The following FYN variants were observed in gnomAD, a reference collection of about 807,000 sequenced individuals.
The protein encoded by FYN is FYN proto-oncogene, Src family tyrosine kinase.
A neutral mutation model predicts 70.2 loss-of-function variants in FYN; 10 were observed. The ratio of observed to expected loss-of-function variants is 0.14; its 90% CI spans 0.09 to 0.24. The LOEUF is 0.24. Among genes scored for constraint, FYN ranks in the 10% least tolerant of loss-of-function variants. FYN has a pLI of 1.00. For missense variants in FYN, 319 were observed against 673.1 expected (o/e 0.47, Z 5.82); for synonymous variants, 236 against 248.6 (o/e 0.95, Z 0.48).
intron 3 of FYN, among the ~76,000 whole-genome samples, chr6:111,746,522 A>C (rs1802228216): frequency 6.6e-6 from 1 of 152,222 alleles, no homozygotes; most frequent in South Asian, 2.1e-4. Flanking sequence ...GTGGCATAGT[A>C]GTTTTTATTG....
At chr6:111,846,937 C>CA (rs1275404450) in intron 1 of FYN, among the ~76,000 whole-genome samples, 1 of 152,122 alleles carries the variant, frequency 6.6e-6, no homozygotes, top group Non-Finnish European at 1.5e-5. Context: ...CACACAAACA[C>CA]AAACACAAAC....
chr6:111,791,396 A>C (rs1016359975), intron 2 of FYN, among the ~76,000 whole-genome samples: 4 of 152,206 alleles, frequency 2.6e-5, no homozygotes, highest in African/African-American at 4.8e-5. Flanking sequence ...CGTGTCCCCC[A>C]AAAAGATATG....
At position 111,760,562 on chromosome 6, in the gene FYN, C is replaced by T. The variant is rs929572793; in HGVS notation, c.-12+20004G>A. ...GCTGTGAGGTCACATGAAATAATAA[C>T]GGAACTCCTTCTCAGGAGAAAGGCA... On this transcript the variant is annotated intron_variant, in intron 3 of 13. Coordinates refer to ENST00000354650, the MANE Select transcript of FYN (RefSeq NM_002037.5). 3.9e-5 allele frequency among the ~76,000 whole-genome samples: 6 copies of T among 152,270 alleles called. No individual in the cohort carries two copies. In the East Asian group the frequency reaches 9.7e-4, roughly 25 times the overall value.
At chr6:111,689,555 A>C (rs1430121309) in intron 12 of FYN, among the ~76,000 whole-genome samples, 2 of 152,240 alleles carry the variant, frequency 1.3e-5, no homozygotes, top group Non-Finnish European at 2.9e-5. Flanking sequence ...CAGGAACAGT[A>C]GAATGGAGGC....
At chr6:111,708,192 T>G in intron 5 of FYN, 172 bp from the exon 6 acceptor site, 2 of 569,328 alleles carry the variant, frequency 3.5e-6, no homozygotes, top group Non-Finnish European at 6.3e-6. Context: ...GTCAGAAGGT[T>G]CCAGTTCGAG....
At chr6:111,817,989 C>T (rs1772543191) in intron 2 of FYN, among the ~76,000 whole-genome samples, 1 of 152,174 alleles carries the variant, frequency 6.6e-6, no homozygotes, top group African/African-American at 2.4e-5. Context: ...TGCACATGTG[C>T]CCTGAAGAAT....
chr6:111,732,676 C>G (rs564319576), intron 3 of FYN, among the ~76,000 whole-genome samples: 1 of 152,320 alleles, frequency 6.6e-6, no homozygotes, highest in South Asian at 2.1e-4. Flanking sequence ...TAGTCAACTC[C>G]TTGTGACTGG....
At chr6:111,830,354 C>A (rs891262321) in intron 2 of FYN, among the ~76,000 whole-genome samples, 1 of 152,108 alleles carries the variant, frequency 6.6e-6, no homozygotes, top group Non-Finnish European at 1.5e-5. Flanking sequence ...GAGCCAGCTC[C>A]CACAGTGAAT....
At chr6:111,766,489 T>C (rs1263818563) in intron 3 of FYN, among the ~76,000 whole-genome samples, 2 of 152,216 alleles carry the variant, frequency 1.3e-5, no homozygotes, top group South Asian at 2.1e-4. Context: ...CAAAGCCATA[T>C]GTAAACCAGC....
intron 2 of FYN, among the ~76,000 whole-genome samples, chr6:111,794,796 A>T (rs1268315576): frequency 6.6e-6 from 1 of 152,204 alleles, no homozygotes; most frequent in African/African-American, 2.4e-5. Context: ...GCCCGCAAAG[A>T]TGAAAATATT....
At chr6:111,738,195 A>T (rs1801790554) in intron 3 of FYN, among the ~76,000 whole-genome samples, 1 of 152,220 alleles carries the variant, frequency 6.6e-6, no homozygotes, top group African/African-American at 2.4e-5. Flanking sequence ...TTACTAGTGA[A>T]GATGAAGATG....
chr6:111,745,158 C>T (rs1208429038), intron 3 of FYN, among the ~76,000 whole-genome samples: 1 of 152,122 alleles, frequency 6.6e-6, no homozygotes, highest in Admixed American at 6.6e-5. Context: ...ACCTACCCAC[C>T]CATTCACCCA....
chr6:111,749,843 T>C (rs1189349462), intron 3 of FYN, among the ~76,000 whole-genome samples: 1 of 151,962 alleles, frequency 6.6e-6, no homozygotes, highest in Non-Finnish European at 1.5e-5. Flanking sequence ...TGGAAACAAA[T>C]ATGGAATTAA....
At chr6:111,667,131 T>C (rs184564245) in intron 13 of FYN, among the ~76,000 whole-genome samples, 3 of 152,340 alleles carry the variant, frequency 2.0e-5, no homozygotes, top group East Asian at 3.9e-4. Flanking sequence ...CAACAGTGTC[T>C]ATTCTTGTGT....
intron 2 of FYN, among the ~76,000 whole-genome samples, chr6:111,837,800 T>A (rs571452830): frequency 2.0e-5 from 3 of 151,424 alleles, no homozygotes; most frequent in Non-Finnish European, 4.4e-5. Context: ...TCACATACTT[T>A]CCACCACACG....
intron 2 of FYN, among the ~76,000 whole-genome samples, chr6:111,812,094 A>G (rs1427128774): frequency 6.6e-6 from 1 of 152,222 alleles, no homozygotes; most frequent in Non-Finnish European, 1.5e-5. Context: ...GTAGCCTTGT[A>G]AAGAGCCTTG....
chr6:111,809,340 A>G (rs1230889239), intron 2 of FYN, among the ~76,000 whole-genome samples: 2 of 152,146 alleles, frequency 1.3e-5, no homozygotes, highest in Non-Finnish European at 2.9e-5. Flanking sequence ...TCTCTACTCT[A>G]TGGTTACCTT....
At chr6:111,861,782 CA>C (rs1353961496) in intron 1 of FYN, among the ~76,000 whole-genome samples, 1 of 152,332 alleles carries the variant, frequency 6.6e-6, no homozygotes, top group African/African-American at 2.4e-5. Context: ...GAAATGACTC[CA>C]GGGGTCCCTC....
At chr6:111,773,567 AGGGAGAGGGG>A in intron 3 of FYN, among the ~76,000 whole-genome samples, 1 of 26,316 alleles carries the variant, frequency 3.8e-5, no homozygotes, top group Non-Finnish European at 6.9e-5. Context: ...GAGGAGGGAG[AGGGAGAGGGG>A]GAGGGGGAGG....
Sources: allele counts gnomAD v4.1 joint callset (sites outside exome capture counted in the v4.1 genomes callset), GRCh38; gene constraint gnomAD v4.1.1; transcripts MANE v1.5; gene names NCBI Gene and HGNC (gene_info 2026-07-23, HGNC 2026-07-21).